The following RAP1GAP2 variants were observed in gnomAD, a reference collection of about 807,000 sequenced individuals.
RAP1GAP2 encodes RAP1 GTPase activating protein 2.
A neutral mutation model predicts 95.0 loss-of-function variants in RAP1GAP2; 27 were observed. The ratio of observed to expected loss-of-function variants is 0.28; its 90% CI spans 0.21 to 0.39. The LOEUF (loss-of-function observed/expected upper bound fraction) is 0.39, where lower values mean the gene tolerates loss of function less well. RAP1GAP2 is among the 10% of genes least tolerant of loss of function. RAP1GAP2 has a pLI of 1.00. For synonymous variants in RAP1GAP2, 373 were observed against 380.9 expected, an observed-to-expected ratio of 0.98 and a Z score of 0.24; for missense variants, 771 against 970.0, an observed-to-expected ratio of 0.79 and a Z score of 2.72.
chr17:2,829,817 A>ATTT (rs34423747), intron 2 of RAP1GAP2, among the ~76,000 whole-genome samples: 3,301 of 130,918 alleles, frequency 0.025, 157 homozygotes, highest in African/African-American at 0.091. Flanking sequence ...TCTCTCTTAA[A>ATTT]TTTTTTTTTT....
In RAP1GAP2 at chr17:3,003,377, C is replaced by G. The variant is rs190663394; in HGVS notation, c.1201-1992C>G. On this transcript the variant is annotated intron_variant, in intron 14 of 24. Transcript: ENST00000254695. The surrounding 1 kb of genome is among the most constrained non-coding windows in gnomAD (Gnocchi z 4.1). ...CCAGGACTACCCCTTTCCCTCCCCC[C>G]TATCCCTGCCTCCCTCTCCGGAAGT... Among the ~76,000 whole-genome samples the G allele has an allele frequency of 2.6e-5, 4 of 152,270 alleles. No individual in the cohort carries two copies. The highest frequency in any genetic ancestry group is 2.6e-4 in the Admixed American group (4 of 15,300).
chr17:2,886,204 G>A (rs2073501134), intron 2 of RAP1GAP2, among the ~76,000 whole-genome samples: 2 of 138,784 alleles, frequency 1.4e-5, no homozygotes, highest in African/African-American at 5.5e-5. Context: ...CCGGAGTCTC[G>A]CTGTGTCCCC....
intron 2 of RAP1GAP2, among the ~76,000 whole-genome samples, chr17:2,877,079 G>A (rs1226905353): frequency 6.6e-6 from 1 of 151,848 alleles, no homozygotes; most frequent in African/African-American, 2.4e-5. Context: ...AGTAGAGACG[G>A]GGTTTCTCCA....
intron 10 of RAP1GAP2, among the ~76,000 whole-genome samples, chr17:2,983,539 A>C (rs2045450569): frequency 6.6e-6 from 1 of 152,220 alleles, no homozygotes; most frequent in Admixed American, 6.5e-5. Flanking sequence ...TTGAAGTTAA[A>C]ACTTCCAAAC....
chr17:2,904,580 G>A lies in RAP1GAP2; in HGVS notation c.81-704G>A, dbSNP rs886540985. 6.8e-6 allele frequency among the ~76,000 whole-genome samples: 1 copy of A among 147,620 alleles called. No individual in the cohort carries two copies. Among genetic ancestry groups the A allele is most frequent in the African/African-American group, 2.5e-5 (1 of 39,750 alleles). On this transcript the variant is annotated intron_variant, in intron 2 of 24. Transcript: ENST00000254695. This position sits in a 1 kb window ranked among gnomAD's most constrained non-coding sequence, Gnocchi z 4.7. ...TGTGTGTGTGTGTGTACGTGCAGAG[G>A]GGCTCAAGGGAGAATGAATCCGCGT...
chr17:2,955,606 G>C (rs533291471), intron 3 of RAP1GAP2, among the ~76,000 whole-genome samples: 2 of 152,124 alleles, frequency 1.3e-5, no homozygotes, highest in Middle Eastern at 3.2e-3. Context: ...TGAGGAATTC[G>C]TATTAACTTT....
At chr17:2,894,520 T>C (rs116281815) in intron 2 of RAP1GAP2, among the ~76,000 whole-genome samples, 3,133 of 152,196 alleles carry the variant, frequency 0.021, 113 homozygotes, top group African/African-American at 0.071. Flanking sequence ...CTTCCACCTC[T>C]GTTCTTGTTA....
chr17:2,880,409 G>A (rs2073242650), intron 2 of RAP1GAP2, among the ~76,000 whole-genome samples: 1 of 151,918 alleles, frequency 6.6e-6, no homozygotes, highest in Non-Finnish European at 1.5e-5. Context: ...AGCCATGGAA[G>A]GAGGACAGAA....
At chr17:2,930,899 A>G (rs1403195110) in intron 3 of RAP1GAP2, among the ~76,000 whole-genome samples, 1 of 152,166 alleles carries the variant, frequency 6.6e-6, no homozygotes, top group East Asian at 1.9e-4. Flanking sequence ...CGAGGCGGGC[A>G]GATCACTTGA....
At chr17:2,803,596 C>CG (rs2069390430) in intron 2 of RAP1GAP2, among the ~76,000 whole-genome samples, 1 of 152,186 alleles carries the variant, frequency 6.6e-6, no homozygotes, top group Non-Finnish European at 1.5e-5. Flanking sequence ...AAACGTATCG[C>CG]GGCCAGGCGC....
chr17:2,853,517 G>C (rs934379012), intron 2 of RAP1GAP2, among the ~76,000 whole-genome samples: 4 of 150,944 alleles, frequency 2.6e-5, no homozygotes, highest in Non-Finnish European at 4.4e-5. Context: ...AGCGGGCGAG[G>C]GGAGGCAGGG....
intron 1 of RAP1GAP2, among the ~76,000 whole-genome samples, chr17:2,762,928 A>AG (rs2071283411): frequency 6.6e-6 from 1 of 151,958 alleles, no homozygotes; most frequent in African/African-American, 2.4e-5. Flanking sequence ...CTCCTACCTC[A>AG]GCCTCTGAAA....
chr17:2,969,960 G>T (rs192236702), intron 8 of RAP1GAP2, among the ~76,000 whole-genome samples: 1 of 151,922 alleles, frequency 6.6e-6, no homozygotes, highest in Admixed American at 6.6e-5. Flanking sequence ...CCATTGCATG[G>T]ATGTGAAATA....
Position 3,027,126 on chromosome 17 carries a change from T to G in RAP1GAP2, c.2107+56T>G. 1 of 1,511,888 alleles carries G rather than the reference T, an allele frequency of 6.6e-7. No homozygotes were observed. The highest frequency in any genetic ancestry group is 8.9e-7 in the Non-Finnish European group (1 of 1,123,268). The allele number at this position is 1,511,888 out of a possible 1,614,324, so 93.7% of individuals were successfully genotyped here. On this transcript the variant is annotated intron_variant, in intron 22 of 24. Transcript: ENST00000254695. This position sits in a 1 kb window ranked among gnomAD's most constrained non-coding sequence, Gnocchi z 5.2. ...CACCAGGAGGGCAGGCTGTGCCCTG[T>G]CCACTGTTAGCAGGGCCCCAGCCAC...
chr17:2,762,544 C>T (rs1245283208), intron 1 of RAP1GAP2, among the ~76,000 whole-genome samples: 1 of 151,578 alleles, frequency 6.6e-6, no homozygotes, highest in Non-Finnish European at 1.5e-5. Flanking sequence ...ATTAGAGGTG[C>T]CCACAACCAC....
intron 3 of RAP1GAP2, among the ~76,000 whole-genome samples, chr17:2,927,180 A>G (rs564077783): frequency 2.2e-3 from 330 of 149,696 alleles, no homozygotes; most frequent in African/African-American, 7.2e-3. Flanking sequence ...TTTAGACAGA[A>G]TCTCGCTCTG....
intron 1 of RAP1GAP2, among the ~76,000 whole-genome samples, chr17:2,789,176 AGCTGGGACTACAGGT>A (rs2068861314): frequency 6.6e-6 from 1 of 151,892 alleles, no homozygotes; most frequent in Admixed American, 6.6e-5. Context: ...CCTCCCAAGT[AGCTGGGACTACAGGT>A]GCCTGCCATC....
intron 2 of RAP1GAP2, among the ~76,000 whole-genome samples, chr17:2,898,951 A>G (rs1376325438): frequency 1.3e-5 from 2 of 152,098 alleles, no homozygotes; most frequent in Non-Finnish European, 2.9e-5. Flanking sequence ...AGGAGTATTG[A>G]TTAGCGATTG....
intron 18 of RAP1GAP2, among the ~76,000 whole-genome samples, chr17:3,019,676 T>C (rs2046889354): frequency 1.3e-5 from 2 of 152,236 alleles, no homozygotes. Flanking sequence ...TTCCTAGCTA[T>C]TATCTTGCTT....
Sources: allele counts gnomAD v4.1 joint callset (sites outside exome capture counted in the v4.1 genomes callset), GRCh38; gene constraint gnomAD v4.1.1; non-coding constraint Gnocchi (gnomAD v3.1); transcripts MANE v1.5; gene names NCBI Gene and HGNC (gene_info 2026-07-23, HGNC 2026-07-21).